MS4A10: variants seen among roughly 807,000 people sequenced by gnomAD.
MS4A10 encodes membrane spanning 4-domains A10, also known as membrane-spanning 4-domains subfamily A member 10.
A neutral mutation model predicts 27.7 loss-of-function variants in MS4A10; 27 were observed. The ratio of observed to expected loss-of-function variants is 0.98; its 90% CI spans 0.72 to 1.35. The LOEUF is 1.35. Among genes scored for constraint, MS4A10 ranks in the 40% most tolerant of loss-of-function variants. The pLI is 0.00. For missense variants in MS4A10, 338 were observed against 324.7 expected, an observed-to-expected ratio of 1.04 and a Z score of -0.32; for synonymous variants, 139 against 131.2, an observed-to-expected ratio of 1.06 and a Z score of -0.41.
intron 6 of MS4A10, among the ~76,000 whole-genome samples, chr11:60,797,927 G>A (rs552814068): frequency 1.2e-4 from 18 of 152,338 alleles, no homozygotes; most frequent in African/African-American, 3.6e-4. Context: ...CCTCCCCATC[G>A]GTAAGGATGG....
At chr11:60,786,700 G>A (rs192983244) in intron 1 of MS4A10, among the ~76,000 whole-genome samples, 56 of 152,224 alleles carry the variant, frequency 3.7e-4, no homozygotes, top group East Asian at 3.7e-3. Context: ...TGTCTTAACC[G>A]AGAACCAGAC....
At chr11:60,792,214 GT>G in intron 3 of MS4A10, 50 bp from the exon 4 acceptor site, 2 of 1,497,236 alleles carry the variant, frequency 1.3e-6, no homozygotes. Context: ...GAATTTGTGG[GT>G]TTTGAGGAAC....
chr11:60,791,019 T>C lies in MS4A10; in HGVS notation c.229T>C (p.Tyr77His), dbSNP rs144004123. 16 of 1,614,052 alleles carry C rather than the reference T, an allele frequency of 9.9e-6. No homozygotes were observed. The African/African-American group carries it at 1.7e-4, about 18-fold the overall frequency. ...IALLHLVFGG[Y>H]LASIVKNLHL... ...TCTGCTGCACCTGGTCTTTGGGGGCTACCTGGCCTCTATAGTCAAGAACCT... is the reference window on the plus strand; with the variant it reads ...TCTGCTGCACCTGGTCTTTGGGGGCCACCTGGCCTCTATAGTCAAGAACCT... Residue 77 changes from tyrosine to histidine, a missense_variant, in exon 3 of 8, where the codon TAC becomes CAC. Tyr to His is a moderately conservative substitution (Grantham distance 83). Coordinates refer to ENST00000308287, the MANE Select transcript of MS4A10 (RefSeq NM_206893.4).
Position 60,794,073 on chromosome 11 carries a change from C to T in MS4A10, c.462C>T (p.Ser154=), listed in dbSNP as rs576967865. The change falls in exon 5 of 8, where the codon TCC becomes TCT. Residue 154 remains serine, a synonymous_variant. Coordinates refer to ENST00000308287, the MANE Select transcript of MS4A10 (RefSeq NM_206893.4). The part of the protein sequence containing the change: ...KDLFLESPFE[S]PIWRMYPNST... The stretch of plus-strand genomic sequence containing the variant: ...TCTTTCTGGAGAGCCCATTTGAGTC[C>T]CCGATCTGGAGAATGTACCCCAACT... The T allele has an allele frequency of 7.4e-6, 12 of 1,613,988 alleles. No individual in the cohort carries two copies. The African/African-American group carries it at 1.5e-4, about 20-fold the overall frequency.
chr11:60,791,241 T>C, intron 3 of MS4A10, 148 bp downstream of exon 3: 1 of 1,063,106 alleles, frequency 9.4e-7, no homozygotes, highest in Non-Finnish European at 1.3e-6. Flanking sequence ...TGTTCCTAGC[T>C]CTGCTTCTTT....
chr11:60,799,714 T>C, intron 7 of MS4A10, 114 bp from the exon 8 acceptor site: 1 of 676,740 alleles, frequency 1.5e-6, no homozygotes, highest in East Asian at 2.7e-5. Flanking sequence ...TTTGAATCTT[T>C]ACTGGGCCAC....
intron 6 of MS4A10, among the ~76,000 whole-genome samples, chr11:60,796,372 T>A (rs975799724): frequency 6.6e-6 from 1 of 152,082 alleles, no homozygotes; most frequent in South Asian, 2.1e-4. Flanking sequence ...AACCTCCGCC[T>A]CCCGGGTTCA....
At chr11:60,793,422 G>T (rs1854463976) in intron 4 of MS4A10, among the ~76,000 whole-genome samples, 1 of 152,200 alleles carries the variant, frequency 6.6e-6, no homozygotes, top group African/African-American at 2.4e-5. Context: ...AGGAGGATTT[G>T]CACTTGGCAA....
intron 1 of MS4A10, among the ~76,000 whole-genome samples, chr11:60,788,025 G>GAAATAAATAAAT (rs71471805): frequency 0.011 from 1,616 of 151,112 alleles, 33 homozygotes; most frequent in African/African-American, 0.038. Context: ...CTCAAAAATA[G>GAAATAAATAAAT]AAATAAATAA....
At chr11:60,796,931 A>T (rs1313762536) in intron 6 of MS4A10, among the ~76,000 whole-genome samples, 3 of 152,168 alleles carry the variant, frequency 2.0e-5, no homozygotes, top group Admixed American at 2.0e-4. Context: ...TTACAATCTC[A>T]ACTTTAGAAC....
intron 7 of MS4A10, 109 bp downstream of exon 7, chr11:60,798,623 C>A: frequency 1.2e-6 from 1 of 810,276 alleles, no homozygotes; most frequent in Non-Finnish European, 2.1e-6. Context: ...GGGCAAGGGG[C>A]TAACAGTGCT....
rs752182550 is a variant in MS4A10 at position 60,790,516 on chromosome 11, G to C, written c.181G>C (p.Gly61Arg). 6.2e-7 allele frequency: 1 copy of C among 1,614,048 alleles called. No homozygotes were observed. The highest frequency in any genetic ancestry group is 8.5e-7 in the Non-Finnish European group (1 of 1,180,000). ...QKKSSLLKEL[G>R]AFHITIALLH... is the part of the protein sequence containing the mutation. ...GAAGAGCAGCCTTCTTAAGGAGCTG[G>C]GGGTGAGCATCCACTTCCCAGGGTC... Residue 61 changes from glycine to arginine, a missense_variant and splice_region_variant, in exon 2 of 8, where the codon GGG (glycine) becomes CGG (arginine). Physicochemically the swap from Gly to Arg is moderately radical, Grantham distance 125 (BLOSUM62 -2). Transcript: ENST00000308287.
intron 4 of MS4A10, 41 bp from the exon 5 acceptor site, chr11:60,793,931 C>CTAA: frequency 6.2e-7 from 1 of 1,610,082 alleles, no homozygotes; most frequent in Non-Finnish European, 8.5e-7. Context: ...CCCCAGGTCT[C>CTAA]CACCCTTTGG....
intron 5 of MS4A10, among the ~76,000 whole-genome samples, chr11:60,795,170 G>A (rs1488201435): frequency 6.6e-6 from 1 of 152,166 alleles, no homozygotes; most frequent in Non-Finnish European, 1.5e-5. Context: ...CAGCTGCACG[G>A]CTCTTCCCCT....
chr11:60,788,025 GAAAT>G lies in MS4A10; in HGVS notation c.-22-2262_-22-2259del, dbSNP rs71471805. Among the ~76,000 whole-genome samples the G allele has an allele frequency of 1.4e-3, 216 of 151,120 alleles. 1 individual carries two copies. Among genetic ancestry groups the G allele is most frequent in the South Asian group, 6.9e-3 (33 of 4,782 alleles). ...AGAGCGAAACTCCGTCTCAAAAATAGAAATAAATAAATAAATAAATAAATAAATA... is the reference window on the plus strand; with the variant it reads ...AGAGCGAAACTCCGTCTCAAAAATAGAAATAAATAAATAAATAAATAAATA... On this transcript the variant is annotated intron_variant, in intron 1 of 7. Transcript: ENST00000308287.
intron 7 of MS4A10, 91 bp downstream of exon 7, chr11:60,798,605 G>A: frequency 1.0e-6 from 1 of 968,402 alleles, no homozygotes; most frequent in Non-Finnish European, 1.6e-6. Context: ...TCCCAGGGGA[G>A]CTGTAAGGGG....
chr11:60,785,866 G>A (rs1854326895), intron 1 of MS4A10, among the ~76,000 whole-genome samples: 2 of 152,120 alleles, frequency 1.3e-5, no homozygotes, highest in African/African-American at 2.4e-5. Context: ...CCACGAGGGG[G>A]CAGGACTAGA....
chr11:60,787,000 C>A (rs776547467), intron 1 of MS4A10, among the ~76,000 whole-genome samples: 1 of 152,188 alleles, frequency 6.6e-6, no homozygotes, highest in Non-Finnish European at 1.5e-5. Context: ...CGCTCAGGGC[C>A]GTGCCCACTC....
chr11:60,788,757 C>A (rs1474591157), intron 1 of MS4A10, among the ~76,000 whole-genome samples: 2 of 152,204 alleles, frequency 1.3e-5, no homozygotes, highest in African/African-American at 4.8e-5. Context: ...CACTGCAGGA[C>A]CATGGAGATA....
Sources: gnomAD v4.1 joint callset for allele counts (sites outside exome capture counted in the v4.1 genomes callset) on GRCh38, gnomAD v4.1.1 for gene constraint, MANE v1.5 for transcripts, NCBI Gene and HGNC (gene_info 2026-07-23, HGNC 2026-07-21) for gene names.